EYS: variants seen among roughly 807,000 people sequenced by gnomAD.
The protein encoded by EYS is EGF-like photoreceptor maintenance factor.
Under a neutral mutation model 282.1 loss-of-function variants are expected in EYS, and 250 were observed. That is an observed-to-expected ratio of 0.89 (90% confidence interval 0.80 to 0.98). The LOEUF (loss-of-function observed/expected upper bound fraction) is 0.98, where lower values mean the gene tolerates loss of function less well. EYS is among the 50% of genes least tolerant of loss of function. The pLI is 0.00. For missense variants in EYS, 4,016 were observed against 3,709.0 expected, an observed-to-expected ratio of 1.08 and a Z score of -2.15; for synonymous variants, 1,355 against 1,282.9, an observed-to-expected ratio of 1.06 and a Z score of -1.20.
At chr6:64,326,872 C>A (rs548215377) in intron 29 of EYS, among the ~76,000 whole-genome samples, 1 of 152,190 alleles carries the variant, frequency 6.6e-6, no homozygotes, top group South Asian at 2.1e-4. Context: ...AAGGCAAGAC[C>A]CATCCCATAA....
intron 12 of EYS, among the ~76,000 whole-genome samples, chr6:65,263,601 G>A (rs768025382): frequency 6.6e-5 from 10 of 151,802 alleles, no homozygotes; most frequent in Non-Finnish European, 1.2e-4. Context: ...TTATTTTCAT[G>A]AATATTGGAA....
At chr6:63,824,556 C>T (rs556582205) in intron 36 of EYS, among the ~76,000 whole-genome samples, 2 of 152,172 alleles carry the variant, frequency 1.3e-5, no homozygotes, top group South Asian at 4.1e-4. Context: ...CGCGGAGACA[C>T]CCCAAATTCT....
At chr6:65,676,832 G>C (rs911912272) in intron 1 of EYS, among the ~76,000 whole-genome samples, 9 of 151,646 alleles carry the variant, frequency 5.9e-5, no homozygotes, top group African/African-American at 1.9e-4. Context: ...AAATTCAGTA[G>C]TATCTTAATA....
At chr6:64,476,612 C>A (rs1332284750) in intron 26 of EYS, among the ~76,000 whole-genome samples, 1 of 152,046 alleles carries the variant, frequency 6.6e-6, no homozygotes, top group Non-Finnish European at 1.5e-5. Context: ...CCTCACTGCT[C>A]TTTTCATCTC....
intron 30 of EYS, among the ~76,000 whole-genome samples, chr6:64,243,941 A>T (rs1766921861): frequency 6.6e-6 from 1 of 152,136 alleles, no homozygotes; most frequent in African/African-American, 2.4e-5. Context: ...TCATCATACA[A>T]ATATCTTGTG....
intron 11 of EYS, chr6:65,329,241 G>T: frequency 1.9e-6 from 1 of 533,604 alleles, no homozygotes; most frequent in Non-Finnish European, 2.4e-6. Flanking sequence ...GTATAGATGA[G>T]TTAAATTTCA....
intron 36 of EYS, among the ~76,000 whole-genome samples, chr6:63,862,234 G>T (rs922638705): frequency 2.0e-5 from 3 of 151,964 alleles, no homozygotes; most frequent in African/African-American, 7.2e-5. Context: ...TTTGTATTGT[G>T]TTTTGAGCCA....
chr6:65,237,350 TATC>T (rs142135398), intron 12 of EYS, among the ~76,000 whole-genome samples: 1,968 of 152,284 alleles, frequency 0.013, 42 homozygotes, highest in African/African-American at 0.044. Context: ...GTTTTAGAAA[TATC>T]ATTACATTTT....
chr6:65,573,299 T>A (rs1377501211), intron 2 of EYS, among the ~76,000 whole-genome samples: 1 of 152,056 alleles, frequency 6.6e-6, no homozygotes, highest in Non-Finnish European at 1.5e-5. Context: ...ATACGCAAGA[T>A]GTCAGTACAA....
At chr6:64,842,223 C>G (rs1267959761) in intron 19 of EYS, among the ~76,000 whole-genome samples, 1 of 151,214 alleles carries the variant, frequency 6.6e-6, no homozygotes, top group Non-Finnish European at 1.5e-5. Flanking sequence ...ACAACTTTTC[C>G]TGGTCTGGGC....
At chr6:65,301,023 A>T (rs1353573149) in intron 11 of EYS, 2 of 152,182 alleles carry the variant, frequency 1.3e-5, no homozygotes, top group African/African-American at 4.8e-5. Context: ...TTTCAGCTTT[A>T]CCATGGTCCC....
At chr6:65,283,000 C>T (rs1316901021) in intron 12 of EYS, among the ~76,000 whole-genome samples, 4 of 151,900 alleles carry the variant, frequency 2.6e-5, no homozygotes, top group Non-Finnish European at 4.4e-5. Flanking sequence ...CATCCACATG[C>T]TAAAATTTGT....
chr6:64,482,785 G>A (rs1208405581), intron 26 of EYS, among the ~76,000 whole-genome samples: 1 of 151,698 alleles, frequency 6.6e-6, no homozygotes, highest in Non-Finnish European at 1.5e-5. Context: ...CTTACAAAAA[G>A]TGTTGCAAAC....
chr6:64,696,978 GACAA>G (rs1468898726), intron 22 of EYS, among the ~76,000 whole-genome samples: 3 of 152,176 alleles, frequency 2.0e-5, no homozygotes. Flanking sequence ...TCAAACCACA[GACAA>G]ACAGAGGAAA....
chr6:65,194,173 G>A (rs1276561579), intron 12 of EYS, among the ~76,000 whole-genome samples: 1 of 151,858 alleles, frequency 6.6e-6, no homozygotes, highest in Non-Finnish European at 1.5e-5. Flanking sequence ...TTAAGTTGAA[G>A]ATCTCTGTAG....
intron 35 of EYS, among the ~76,000 whole-genome samples, chr6:63,904,249 C>T (rs761458113): frequency 6.6e-5 from 10 of 152,132 alleles, no homozygotes; most frequent in Non-Finnish European, 1.2e-4. Flanking sequence ...GACTCCTTGA[C>T]CCGAGTTGTT....
chr6:65,592,639 A>G (rs1304498745), intron 2 of EYS, among the ~76,000 whole-genome samples: 1 of 151,958 alleles, frequency 6.6e-6, no homozygotes, highest in Non-Finnish European at 1.5e-5. Context: ...AGTCATAACT[A>G]GGTATCCAGT....
At chr6:63,905,319 CT>C (rs1217913218) in intron 35 of EYS, among the ~76,000 whole-genome samples, 26 of 132,830 alleles carry the variant, frequency 2.0e-4, no homozygotes, top group Non-Finnish European at 3.5e-4. Context: ...AAGGGGATTT[CT>C]TTTTTTTTCT....
rs1005235789 is a variant in EYS at position 64,822,906 on chromosome 6, A to C, written c.2993-84T>G. The C allele has an allele frequency of 1.6e-5, 17 of 1,042,428 alleles. No homozygotes were observed. In the African/African-American group the frequency reaches 2.6e-4, roughly 16 times the overall value. The allele number at this position is 1,042,428 out of a possible 1,614,324, so 64.6% of individuals were successfully genotyped here. ...TTTGTTCATTATGGTAAACATCACC[A>C]AGAAATGAAGACCTCTCTCTATAAT... is the stretch of plus-strand genomic sequence containing the variant. On this transcript the variant is annotated intron_variant, in intron 19 of 42. Coordinates refer to ENST00000503581, the MANE Select transcript of EYS (RefSeq NM_001142800.2).
Sources: allele counts gnomAD v4.1 joint callset (sites outside exome capture counted in the v4.1 genomes callset), GRCh38; gene constraint gnomAD v4.1.1; transcripts MANE v1.5; gene names NCBI Gene and HGNC (gene_info 2026-07-23, HGNC 2026-07-21).